Variants in VPS26C observed in about 807,000 individuals in gnomAD.
VPS26C encodes VPS26 endosomal protein sorting factor C, also known as vacuolar protein sorting-associated protein 26C.
Under a neutral mutation model 30.6 loss-of-function variants are expected in VPS26C, and 19 were observed. That is an observed-to-expected ratio of 0.62 (90% confidence interval 0.43 to 0.91). The LOEUF (loss-of-function observed/expected upper bound fraction) is 0.91. Ranked by LOEUF, VPS26C falls within the 40% of genes least tolerant of loss-of-function variation. VPS26C has a pLI of 0.00. For missense variants in VPS26C, 318 were observed against 385.1 expected, an observed-to-expected ratio of 0.83 and a Z score of 1.46; for synonymous variants, 132 against 151.5, an observed-to-expected ratio of 0.87 and a Z score of 0.95.
At chr21:37,263,728 G>GT (rs1378524434) in intron 1 of VPS26C, among the ~76,000 whole-genome samples, 1 of 152,216 alleles carries the variant, frequency 6.6e-6, no homozygotes, top group Non-Finnish European at 1.5e-5. Context: ...GCTAAAGTAG[G>GT]TGGCAGTCAC....
intron 7 of VPS26C, 139 bp from the exon 8 acceptor site, chr21:37,225,765 C>T (rs561483045): frequency 1.6e-5 from 11 of 678,358 alleles, no homozygotes; most frequent in African/African-American, 5.9e-5. Context: ...GTCCCCTCAG[C>T]GCCACCCTGA....
intron 5 of VPS26C, 152 bp downstream of exon 5, chr21:37,232,225 A>G (rs929831047): frequency 4.4e-6 from 3 of 675,804 alleles, no homozygotes; most frequent in Admixed American, 5.5e-5. Flanking sequence ...AAGGAAATCA[A>G]ATGGAAAATA....
At chr21:37,235,465 A>T (rs1159308126) in intron 3 of VPS26C, among the ~76,000 whole-genome samples, 1 of 152,194 alleles carries the variant, frequency 6.6e-6, no homozygotes, top group Non-Finnish European at 1.5e-5. Context: ...ATTCCTATAA[A>T]AGGAATTTTT....
At position 37,238,389 on chromosome 21, in the gene VPS26C, G is replaced by A; in HGVS notation, c.351+71C>T. 22 of 1,548,490 alleles carry A rather than the reference G, an allele frequency of 1.4e-5. No homozygotes were observed. The South Asian group carries it at 2.3e-4, about 16-fold the overall frequency. ...ATTCTTGGGCCCGTCTACTAACGTT[G>A]AGAGAAAGACCACACCGTTTGTCAG... is the stretch of plus-strand genomic sequence containing the variant. On this transcript the variant is annotated intron_variant, in intron 3 of 7. Coordinates refer to ENST00000309117, the MANE Select transcript of VPS26C (RefSeq NM_006052.2).
chr21:37,260,904 G>A (rs561589422), intron 1 of VPS26C, among the ~76,000 whole-genome samples: 1 of 152,248 alleles, frequency 6.6e-6, no homozygotes, highest in South Asian at 2.1e-4. Context: ...TTATAATTAC[G>A]AAGCAAAATC....
chr21:37,265,354 C>T (rs1383038206), intron 1 of VPS26C, among the ~76,000 whole-genome samples: 1 of 152,156 alleles, frequency 6.6e-6, no homozygotes, highest in Non-Finnish European at 1.5e-5. Context: ...CTTCATTCAG[C>T]AATTGTTAGT....
chr21:37,240,756 T>C, intron 1 of VPS26C, 117 bp from the exon 2 acceptor site: 1 of 1,342,560 alleles, frequency 7.4e-7, no homozygotes, highest in Non-Finnish European at 1.0e-6. Context: ...AGACATTCAC[T>C]GAGACACCTG....
intron 3 of VPS26C, chr21:37,237,869 C>G (rs539910408): frequency 6.6e-6 from 1 of 152,184 alleles, no homozygotes; most frequent in African/African-American, 2.4e-5. Context: ...GGAAGTGCTG[C>G]GAGGCTGCTA....
Position 37,235,691 on chromosome 21 carries a change from T to C in VPS26C, c.352-2249A>G, listed in dbSNP as rs117137704. ...CAACTACGGAAGACTCTGATGATCA[T>C]ATGAAGTATCTAGTAACAAAGACAA... On this transcript the variant is annotated intron_variant, in intron 3 of 7. Transcript: ENST00000309117. Among the ~76,000 whole-genome samples the C allele has an allele frequency of 9.0e-3, 1,364 of 152,092 alleles. 13 individuals carry two copies. The highest frequency in any genetic ancestry group is 0.017 in the Middle Eastern group (5 of 294).
intron 5 of VPS26C, chr21:37,230,916 C>T (rs570703386): frequency 6.6e-6 from 1 of 152,500 alleles, no homozygotes; most frequent in South Asian, 2.1e-4. Flanking sequence ...GGATCTCCCA[C>T]CCGGAAAAGC....
chr21:37,259,696 G>C (rs1410000481), intron 1 of VPS26C, among the ~76,000 whole-genome samples: 1 of 152,072 alleles, frequency 6.6e-6, no homozygotes, highest in African/African-American at 2.4e-5. Flanking sequence ...ATCACACTTG[G>C]CTCTCACGGC....
chr21:37,262,292 C>G lies in VPS26C; in HGVS notation c.57+4946G>C, dbSNP rs543049964. Among the ~76,000 whole-genome samples the G allele has an allele frequency of 2.8e-4, 43 of 152,308 alleles. No individual in the cohort carries two copies. In the South Asian group the frequency reaches 8.3e-3, roughly 29 times the overall value. On this transcript the variant is annotated intron_variant, in intron 1 of 7. Transcript: ENST00000309117. ...CATTGTCTATTCCTCATGACTGAAA[C>G]CAGCAGTGCATGGTGGGCACTTAGT...
At chr21:37,228,181 AG>A (rs1263087146) in intron 6 of VPS26C, 41 bp downstream of exon 6, 3 of 1,596,212 alleles carry the variant, frequency 1.9e-6, no homozygotes, top group Non-Finnish European at 1.7e-6. Flanking sequence ...GTGGCAGTCG[AG>A]GGGGACAGGC....
chr21:37,237,573 CAAT>C (rs2086038158), intron 3 of VPS26C: 1 of 152,172 alleles, frequency 6.6e-6, no homozygotes, highest in Admixed American at 6.5e-5. Flanking sequence ...TTGGTGCTAA[CAAT>C]AAAGGACTAG....
chr21:37,252,098 T>A (rs2086199557), intron 1 of VPS26C, among the ~76,000 whole-genome samples: 1 of 152,168 alleles, frequency 6.6e-6, no homozygotes, highest in East Asian at 1.9e-4. Context: ...CCGGTACACC[T>A]ATAGTGAGAT....
At chr21:37,262,967 G>A (rs913037416) in intron 1 of VPS26C, among the ~76,000 whole-genome samples, 17 of 151,890 alleles carry the variant, frequency 1.1e-4, no homozygotes, top group South Asian at 4.2e-4. Context: ...GTTTCGCCAC[G>A]TTGGCCAGGC....
intron 1 of VPS26C, among the ~76,000 whole-genome samples, chr21:37,263,903 G>GGA (rs1192034858): frequency 2.0e-5 from 3 of 152,206 alleles, no homozygotes; most frequent in Non-Finnish European, 4.4e-5. Flanking sequence ...GAGGAGGATA[G>GGA]GAGAGAAGGG....
At position 37,227,690 on chromosome 21, in the gene VPS26C, T is replaced by C. The variant is rs2085915497; in HGVS notation, c.775A>G (p.Thr259Ala). 1 of 1,613,944 alleles carries C rather than the reference T, an allele frequency of 6.2e-7. No individual in the cohort carries two copies. The highest frequency in any genetic ancestry group is 1.3e-5 in the African/African-American group (1 of 74,888). Reference protein sequence around the residue: ...PIYMVFPRLFTCPTLETTNFK... With the variant: ...PIYMVFPRLFACPTLETTNFK... ...TTGGTGGTCTCCAGTGTAGGGCAGGTGAACAGCCTAGGGAAGACCATGTAG... is the reference window on the plus strand; with the variant it reads ...TTGGTGGTCTCCAGTGTAGGGCAGGCGAACAGCCTAGGGAAGACCATGTAG... Residue 259 changes from threonine to alanine, a missense_variant, in exon 7 of 8, where the codon ACC (threonine) becomes GCC (alanine). By Grantham distance (58) the Thr-to-Ala change is moderately conservative (BLOSUM62 0). Transcript: ENST00000309117.
At chr21:37,232,227 T>C in intron 5 of VPS26C, 150 bp downstream of exon 5, 1 of 677,542 alleles carries the variant, frequency 1.5e-6, no homozygotes, top group African/African-American at 1.8e-5. Flanking sequence ...GGAAATCAAA[T>C]GGAAAATACT....
Sources: allele counts gnomAD v4.1 joint callset (sites outside exome capture counted in the v4.1 genomes callset), GRCh38; gene constraint gnomAD v4.1.1; transcripts MANE v1.5; gene names NCBI Gene and HGNC (gene_info 2026-07-23, HGNC 2026-07-21).